The following CLMP variants were observed in gnomAD, a reference collection of about 807,000 sequenced individuals.
CLMP encodes the protein CXADR-like membrane protein.
In CLMP, 27 loss-of-function variants were observed where a neutral mutation model predicts 45.2. That is an observed-to-expected ratio of 0.60 (90% confidence interval 0.44 to 0.82). The LOEUF is 0.82. Ranked by LOEUF, CLMP falls within the 40% of genes least tolerant of loss-of-function variation. The pLI is 0.00. For missense variants in CLMP, 403 were observed against 448.4 expected, an observed-to-expected ratio of 0.90 and a Z score of 0.91; for synonymous variants, 167 against 171.4, an observed-to-expected ratio of 0.97 and a Z score of 0.20.
intron 1 of CLMP, among the ~76,000 whole-genome samples, chr11:123,138,151 T>C (rs2090539963): frequency 6.6e-6 from 1 of 152,126 alleles, no homozygotes. Context: ...GAAGTTGATT[T>C]GTGAGGGGTG....
chr11:123,192,603 AG>A (rs968575120), intron 1 of CLMP, among the ~76,000 whole-genome samples: 1 of 152,134 alleles, frequency 6.6e-6, no homozygotes, highest in African/African-American at 2.4e-5. Context: ...GGGTCAGAAG[AG>A]GGGCTGAGCT....
chr11:123,088,089 T>A (rs879848404), intron 2 of CLMP, among the ~76,000 whole-genome samples: 3 of 151,978 alleles, frequency 2.0e-5, no homozygotes, highest in Admixed American at 6.6e-5. Context: ...TTTGTATTTT[T>A]AGAAGAGATG....
chr11:123,073,995 G>T (rs532339438), intron 6 of CLMP, among the ~76,000 whole-genome samples: 1 of 152,188 alleles, frequency 6.6e-6, no homozygotes, highest in African/African-American at 2.4e-5. Flanking sequence ...ATACTGGGAG[G>T]ATAGGACCTT....
intron 1 of CLMP, among the ~76,000 whole-genome samples, chr11:123,115,503 T>C (rs1443365314): frequency 6.6e-6 from 1 of 152,162 alleles, no homozygotes; most frequent in African/African-American, 2.4e-5. Context: ...ATGTCATTAA[T>C]GTAATGCTGA....
chr11:123,137,694 C>T (rs992693817), intron 1 of CLMP, among the ~76,000 whole-genome samples: 1 of 152,074 alleles, frequency 6.6e-6, no homozygotes, highest in African/African-American at 2.4e-5. Context: ...AGCCTAAAAC[C>T]TCTCTCGAAG....
intron 1 of CLMP, among the ~76,000 whole-genome samples, chr11:123,183,969 A>T (rs1861801512): frequency 6.6e-6 from 1 of 152,190 alleles, no homozygotes; most frequent in Non-Finnish European, 1.5e-5. Flanking sequence ...TAACACCAGA[A>T]AAATTTCTTA....
At chr11:123,082,676 T>A (rs1407041079) in intron 5 of CLMP, among the ~76,000 whole-genome samples, 1 of 151,274 alleles carries the variant, frequency 6.6e-6, no homozygotes, top group African/African-American at 2.4e-5. Flanking sequence ...AGTGGCGTGA[T>A]CTTGGCTCAC....
intron 2 of CLMP, among the ~76,000 whole-genome samples, chr11:123,093,883 G>A (rs1479109513): frequency 6.6e-6 from 1 of 152,138 alleles, no homozygotes; most frequent in East Asian, 1.9e-4. Context: ...TCAACTTTCT[G>A]GCAGTCATTC....
chr11:123,127,098 T>G (rs1029207512), intron 1 of CLMP, among the ~76,000 whole-genome samples: 1 of 152,042 alleles, frequency 6.6e-6, no homozygotes, highest in African/African-American at 2.4e-5. Context: ...TAATTCCATC[T>G]TTAAATAATT....
At chr11:123,085,412 C>A (rs77485665) in intron 2 of CLMP, among the ~76,000 whole-genome samples, 31,689 of 151,598 alleles carry the variant, frequency 0.21, 3,387 homozygotes, top group Admixed American at 0.28. Flanking sequence ...CCATGCCCGG[C>A]TAACTTTTGT....
chr11:123,158,302 C>A (rs1591481360), intron 1 of CLMP, among the ~76,000 whole-genome samples: 1 of 152,218 alleles, frequency 6.6e-6, no homozygotes, highest in Non-Finnish European at 1.5e-5. Context: ...ATCCAGCTAA[C>A]TCTCAATGCG....
chr11:123,106,186 TG>T (rs1860546526), intron 1 of CLMP, among the ~76,000 whole-genome samples: 1 of 152,162 alleles, frequency 6.6e-6, no homozygotes, highest in Non-Finnish European at 1.5e-5. Context: ...GTGTATTTTA[TG>T]TGTGGCCCAA....
intron 2 of CLMP, among the ~76,000 whole-genome samples, chr11:123,086,920 G>C (rs1211264515): frequency 5.3e-5 from 8 of 152,162 alleles, no homozygotes; most frequent in Admixed American, 5.2e-4. Flanking sequence ...GTAACTGGGT[G>C]CGGTGGCTCA....
intron 5 of CLMP, among the ~76,000 whole-genome samples, chr11:123,077,898 G>A (rs1313214283): frequency 6.6e-6 from 1 of 152,154 alleles, no homozygotes; most frequent in Admixed American, 6.5e-5. Context: ...CTTGATGCCA[G>A]GAGTTCGAGA....
At chr11:123,157,791 G>T (rs1056960701) in intron 1 of CLMP, among the ~76,000 whole-genome samples, 5 of 151,174 alleles carry the variant, frequency 3.3e-5, no homozygotes, top group Admixed American at 6.6e-5. Flanking sequence ...TGGGTTCACG[G>T]CGTGTAAGTA....
intron 1 of CLMP, among the ~76,000 whole-genome samples, chr11:123,108,550 G>A (rs1465636312): frequency 6.6e-6 from 1 of 152,026 alleles, no homozygotes; most frequent in Non-Finnish European, 1.5e-5. Flanking sequence ...TTCCCAGCCT[G>A]TGGGTTGGTT....
At chr11:123,166,641 A>G (rs2135537418) in intron 1 of CLMP, among the ~76,000 whole-genome samples, 1 of 152,330 alleles carries the variant, frequency 6.6e-6, no homozygotes, top group East Asian at 1.9e-4. Context: ...TGACTTTCAG[A>G]AACTGGGGGC....
chr11:123,092,633 T>C (rs1865945627), intron 2 of CLMP, among the ~76,000 whole-genome samples: 1 of 151,142 alleles, frequency 6.6e-6, no homozygotes, highest in South Asian at 2.1e-4. Context: ...AGACTCTCTC[T>C]TTTGCCCAGG....
chr11:123,112,679 T>A (rs1860656122), intron 1 of CLMP, among the ~76,000 whole-genome samples: 1 of 151,718 alleles, frequency 6.6e-6, no homozygotes, highest in Non-Finnish European at 1.5e-5. Flanking sequence ...GCAGCTGAAA[T>A]GTATCAAGTT....
Sources: allele counts gnomAD v4.1 joint callset (sites outside exome capture counted in the v4.1 genomes callset), GRCh38; gene constraint gnomAD v4.1.1; transcripts MANE v1.5; gene names NCBI Gene and HGNC (gene_info 2026-07-23, HGNC 2026-07-21).